Variants in DNM3 observed in about 807,000 individuals in gnomAD.
The protein encoded by DNM3 is dynamin-3.
In DNM3, 47 loss-of-function variants were observed where a neutral mutation model predicts 101.6. The ratio of observed to expected loss-of-function variants is 0.46; its 90% CI spans 0.37 to 0.59. The LOEUF is 0.59. DNM3 is among the 20% of genes least tolerant of loss of function. DNM3 has a pLI of 0.00. For missense variants in DNM3, 849 were observed against 1,085.7 expected (o/e 0.78, Z 3.06); for synonymous variants, 385 against 387.9 (o/e 0.99, Z 0.09).
chr1:172,063,130 G>A (rs902654166), intron 10 of DNM3, among the ~76,000 whole-genome samples: 12 of 152,172 alleles, frequency 7.9e-5, no homozygotes, highest in African/African-American at 2.7e-4. Flanking sequence ...ATCAAGTCAA[G>A]TGATATGTAT....
At chr1:172,326,541 T>TA (rs2065944702) in intron 17 of DNM3, among the ~76,000 whole-genome samples, 2 of 152,226 alleles carry the variant, frequency 1.3e-5, no homozygotes, top group East Asian at 3.9e-4. Flanking sequence ...AGGCCTTAGG[T>TA]AAAAAATTAA....
intron 13 of DNM3, among the ~76,000 whole-genome samples, chr1:172,117,732 A>T (rs2056021467): frequency 6.6e-6 from 1 of 152,180 alleles, no homozygotes; most frequent in Non-Finnish European, 1.5e-5. Flanking sequence ...ATTGTATTGG[A>T]AGTGGAGAGA....
At chr1:172,302,173 T>C (rs1034513576) in intron 15 of DNM3, among the ~76,000 whole-genome samples, 22 of 152,228 alleles carry the variant, frequency 1.4e-4, no homozygotes, top group African/African-American at 4.3e-4. Flanking sequence ...GACTAAATAC[T>C]GTGCTTTTCC....
chr1:172,082,649 AG>A (rs2053244194), intron 12 of DNM3, among the ~76,000 whole-genome samples: 1 of 152,182 alleles, frequency 6.6e-6, no homozygotes, highest in Non-Finnish European at 1.5e-5. Context: ...AAAACAAAAG[AG>A]CCTATGTACT....
intron 13 of DNM3, among the ~76,000 whole-genome samples, chr1:172,119,068 C>G (rs1306618588): frequency 1.3e-5 from 2 of 151,766 alleles, no homozygotes; most frequent in African/African-American, 4.8e-5. Context: ...TCTTGGCTCA[C>G]CACAACCTCC....
chr1:172,036,996 C>G (rs1258799985), intron 6 of DNM3, among the ~76,000 whole-genome samples: 1 of 152,162 alleles, frequency 6.6e-6, no homozygotes, highest in Admixed American at 6.5e-5. Context: ...TGAACAGACA[C>G]TTCTCAAAAG....
At chr1:172,109,425 T>C (rs74602622) in intron 13 of DNM3, among the ~76,000 whole-genome samples, 1,568 of 152,326 alleles carry the variant, frequency 0.01, 27 homozygotes, top group African/African-American at 0.034. Context: ...GCAGGATCCA[T>C]GTCCTGGAGG....
At chr1:172,215,103 G>A (rs2060645191) in intron 14 of DNM3, among the ~76,000 whole-genome samples, 1 of 152,062 alleles carries the variant, frequency 6.6e-6, no homozygotes, top group South Asian at 2.1e-4. Context: ...CGAGTGTTCG[G>A]ATATTTCAGT....
At chr1:172,350,530 A>T (rs140629779) in intron 17 of DNM3, among the ~76,000 whole-genome samples, 9 of 152,306 alleles carry the variant, frequency 5.9e-5, no homozygotes, top group Non-Finnish European at 2.9e-5. Context: ...GAAATTCTGT[A>T]GTTAGTTTAG....
intron 17 of DNM3, among the ~76,000 whole-genome samples, chr1:172,343,790 T>A (rs1169699978): frequency 6.6e-6 from 1 of 152,192 alleles, no homozygotes; most frequent in Admixed American, 6.5e-5. Context: ...GAGAGAATAA[T>A]CGTGTTCAGA....
At chr1:172,020,903 G>A (rs1324351553) in intron 4 of DNM3, among the ~76,000 whole-genome samples, 5 of 152,150 alleles carry the variant, frequency 3.3e-5, no homozygotes, top group African/African-American at 1.2e-4. Context: ...GCCTTCAAGC[G>A]ATTCATGGAT....
At chr1:171,908,686 A>G (rs997299346) in intron 1 of DNM3, among the ~76,000 whole-genome samples, 1 of 152,146 alleles carries the variant, frequency 6.6e-6, no homozygotes, top group Non-Finnish European at 1.5e-5. Context: ...ATAACCCTAC[A>G]TAGCTTATTG....
intron 17 of DNM3, among the ~76,000 whole-genome samples, chr1:172,377,159 C>G (rs543283951): frequency 9.9e-5 from 15 of 151,594 alleles, no homozygotes; most frequent in African/African-American, 3.6e-4. Flanking sequence ...TTCTTAATAC[C>G]TAAGGAAAAA....
chr1:171,856,378 T>C (rs576461411), intron 1 of DNM3, among the ~76,000 whole-genome samples: 2 of 152,262 alleles, frequency 1.3e-5, no homozygotes, highest in East Asian at 3.9e-4. Flanking sequence ...TCCATTTGAA[T>C]TTTAAAATAG....
chr1:171,972,868 A>AC (rs768245362), intron 2 of DNM3, among the ~76,000 whole-genome samples: 23 of 112,898 alleles, frequency 2.0e-4, no homozygotes, highest in South Asian at 1.5e-3. Context: ...ACAAAAAACA[A>AC]AAACAACAAC....
chr1:171,929,244 C>T (rs1207063666), intron 2 of DNM3, among the ~76,000 whole-genome samples: 1 of 151,988 alleles, frequency 6.6e-6, no homozygotes, highest in Non-Finnish European at 1.5e-5. Context: ...GGAGCTCTGT[C>T]CCAGGGTGGT....
At chr1:172,080,255 G>A (rs866750784) in intron 11 of DNM3, among the ~76,000 whole-genome samples, 11 of 152,286 alleles carry the variant, frequency 7.2e-5, no homozygotes, top group Non-Finnish European at 1.0e-4. Context: ...TCTGTCCCAG[G>A]AAGATGGGAG....
chr1:171,980,767 A>ATTTTT (rs35033942), intron 2 of DNM3, among the ~76,000 whole-genome samples: 4 of 110,246 alleles, frequency 3.6e-5, no homozygotes, highest in African/African-American at 1.3e-4. Flanking sequence ...AAATCTACAG[A>ATTTTT]TTTTTTTTTT....
intron 17 of DNM3, among the ~76,000 whole-genome samples, chr1:172,331,800 T>A (rs2066197327): frequency 6.6e-6 from 1 of 152,158 alleles, no homozygotes; most frequent in Non-Finnish European, 1.5e-5. Flanking sequence ...ATTTTACTAC[T>A]GTCAAAGTTT....
Sources: allele counts gnomAD v4.1 joint callset (sites outside exome capture counted in the v4.1 genomes callset), GRCh38; gene constraint gnomAD v4.1.1; transcripts MANE v1.5; gene names NCBI Gene and HGNC (gene_info 2026-07-23, HGNC 2026-07-21).